ME3: variants seen among roughly 807,000 people sequenced by gnomAD.
The protein encoded by ME3 is NADP-dependent malic enzyme, mitochondrial.
Under a neutral mutation model 68.9 loss-of-function variants are expected in ME3, and 48 were observed. The observed-to-expected ratio is 0.70, with a 90% CI of 0.55 to 0.89. The LOEUF (loss-of-function observed/expected upper bound fraction) is 0.89. Ranked by LOEUF, ME3 falls within the 40% of genes least tolerant of loss-of-function variation. The pLI, the probability that ME3 is intolerant of heterozygous loss-of-function variation, is 0.00. For synonymous variants in ME3, 320 were observed against 318.8 expected (o/e 1.00, Z -0.04); for missense variants, 675 against 797.4 (o/e 0.85, Z 1.85).
intron 2 of ME3, among the ~76,000 whole-genome samples, chr11:86,670,900 G>T (rs1565307125): frequency 6.6e-6 from 1 of 152,246 alleles, no homozygotes; most frequent in East Asian, 1.9e-4. Context: ...ATCTATTTTA[G>T]GCTGGAGAAA....
chr11:86,446,170 A>G, intron 13 of ME3, 144 bp downstream of exon 13: 1 of 879,166 alleles, frequency 1.1e-6, no homozygotes, highest in Admixed American at 2.5e-5. Flanking sequence ...TGGCCATGAG[A>G]GATGCTTGAG....
intron 4 of ME3, among the ~76,000 whole-genome samples, chr11:86,553,874 G>A (rs949957349): frequency 6.6e-6 from 1 of 152,148 alleles, no homozygotes; most frequent in African/African-American, 2.4e-5. Flanking sequence ...TGCACAGTCC[G>A]AAACTGTAAG....
chr11:86,669,584 A>C (rs1311018064), intron 2 of ME3, among the ~76,000 whole-genome samples: 1 of 152,172 alleles, frequency 6.6e-6, no homozygotes, highest in Non-Finnish European at 1.5e-5. Context: ...GAACTCATTC[A>C]TTATCACGAG....
chr11:86,561,795 C>T lies in ME3; in HGVS notation c.184-1972G>A, dbSNP rs1225220692. ...TAGTCTAATAAACTCCACTCATTTC[C>T]GAAGTTACTCAAGTCAAAACTTTTT... On this transcript the variant is annotated intron_variant, in intron 2 of 14. Coordinates refer to ENST00000543262, the Ensembl canonical transcript of ME3. Among the ~76,000 whole-genome samples, 5 of 152,128 alleles carry T rather than the reference C, an allele frequency of 3.3e-5. No homozygotes were observed. The East Asian group carries it at 7.7e-4, about 23-fold the overall frequency.
chr11:86,531,660 T>G (rs1565910439), intron 4 of ME3, among the ~76,000 whole-genome samples: 1 of 152,162 alleles, frequency 6.6e-6, no homozygotes, highest in South Asian at 2.1e-4. Context: ...CATGGAATAC[T>G]ATGCAGCCAT....
At chr11:86,642,082 C>T (rs890880920) in intron 2 of ME3, among the ~76,000 whole-genome samples, 1 of 152,164 alleles carries the variant, frequency 6.6e-6, no homozygotes, top group African/African-American at 2.4e-5. Flanking sequence ...ACACTTAGCC[C>T]ATAGAGGGCC....
At chr11:86,441,379 T>C (rs1445239952) in exon 15 of ME3, 1 of 1,613,458 alleles carries the variant, frequency 6.2e-7, no homozygotes, top group South Asian at 1.1e-5. Flanking sequence ...TACAAAAGCC[T>C]CCTTGTCCTT....
At chr11:86,542,470 TG>T in intron 4 of ME3, among the ~76,000 whole-genome samples, 1 of 152,238 alleles carries the variant, frequency 6.6e-6, no homozygotes, top group South Asian at 2.1e-4. Context: ...AATGACCTGA[TG>T]GACCTGAAAC....
rs563738961 is a variant in ME3, at chr11:86,617,045, G to GTTTTTTTTTTTTTTTTTTTTTTTTT, written c.183+54692_183+54716dup. On this transcript the variant is annotated intron_variant, in intron 2 of 14. Coordinates refer to ENST00000543262, the Ensembl canonical transcript of ME3. ...ACATCTAAAATACTCCAAGATAGTA[G>GTTTTTTTTTTTTTTTTTTTTTTTTT]TTTTTTTTTTTTTTTTTTTTTTTTT... Among the ~76,000 whole-genome samples the GTTTTTTTTTTTTTTTTTTTTTTTTT allele has an allele frequency of 5.3e-5, 3 of 56,298 alleles. 1 individual carries two copies. The highest frequency in any genetic ancestry group is 9.4e-5 in the Non-Finnish European group (3 of 32,062). The allele number at this position is 56,298 out of a possible 152,430, so 36.9% of individuals were successfully genotyped here.
intron 2 of ME3, among the ~76,000 whole-genome samples, chr11:86,582,945 G>A (rs1192432801): frequency 2.0e-5 from 3 of 151,822 alleles, no homozygotes; most frequent in African/African-American, 7.3e-5. Flanking sequence ...GAAGCTTCAA[G>A]TTAAGTATCT....
chr11:86,655,869 C>T (rs1328960640), intron 2 of ME3, among the ~76,000 whole-genome samples: 9 of 151,950 alleles, frequency 5.9e-5, no homozygotes, highest in African/African-American at 1.7e-4. Flanking sequence ...GGCTAATATC[C>T]GGAATCTACA....
intron 5 of ME3, among the ~76,000 whole-genome samples, chr11:86,505,296 A>G (rs1414869270): frequency 6.6e-6 from 1 of 150,794 alleles, no homozygotes; most frequent in Non-Finnish European, 1.5e-5. Flanking sequence ...GCCAGTGGGT[A>G]GGGCAGGGAG....
chr11:86,562,453 T>C (rs1314681216), intron 2 of ME3, among the ~76,000 whole-genome samples: 1 of 152,220 alleles, frequency 6.6e-6, no homozygotes, highest in East Asian at 1.9e-4. Flanking sequence ...CTTAGCTTTG[T>C]AAGAAGCTGC....
chr11:86,528,423 C>G (rs1954937705), intron 4 of ME3, among the ~76,000 whole-genome samples: 1 of 152,104 alleles, frequency 6.6e-6, no homozygotes, highest in Non-Finnish European at 1.5e-5. Flanking sequence ...TTTAGCATCC[C>G]ACTGTCAACA....
chr11:86,609,165 T>A (rs1330916441), intron 2 of ME3, among the ~76,000 whole-genome samples: 2 of 152,180 alleles, frequency 1.3e-5, no homozygotes, highest in African/African-American at 4.8e-5. Flanking sequence ...TCAGGTTTAT[T>A]CTCTTAAACA....
chr11:86,442,033 G>A (rs996538349), intron 14 of ME3, among the ~76,000 whole-genome samples: 34 of 152,190 alleles, frequency 2.2e-4, no homozygotes, highest in African/African-American at 7.5e-4. Flanking sequence ...TGTGTGTGCT[G>A]TTGTACGATG....
chr11:86,591,970 G>A (rs1420482207), intron 2 of ME3, among the ~76,000 whole-genome samples: 2 of 152,106 alleles, frequency 1.3e-5, no homozygotes, highest in African/African-American at 4.8e-5. Context: ...AATTTCTATT[G>A]TTTAAGCCAC....
intron 8 of ME3, among the ~76,000 whole-genome samples, chr11:86,453,788 C>A (rs3781812): frequency 0.12 from 18,055 of 152,178 alleles, 1,160 homozygotes; most frequent in East Asian, 0.26. Flanking sequence ...GTTCCTGAAG[C>A]AGAAGTTGAA....
At chr11:86,442,891 T>C in exon 14 of ME3, 1 of 1,613,242 alleles carries the variant, frequency 6.2e-7, no homozygotes, top group South Asian at 1.1e-5. Flanking sequence ...CTGGGACAGA[T>C]GCTGCTCAGA....
Sources: allele counts gnomAD v4.1 joint callset (sites outside exome capture counted in the v4.1 genomes callset), GRCh38; gene constraint gnomAD v4.1.1; transcripts MANE v1.5; gene names NCBI Gene and HGNC (gene_info 2026-07-23, HGNC 2026-07-21).